Variants in UTP20 observed in about 807,000 individuals in gnomAD.
The protein encoded by UTP20 is UTP20 small subunit processome component.
Under a neutral mutation model 329.5 loss-of-function variants are expected in UTP20, and 164 were observed. The ratio of observed to expected loss-of-function variants is 0.50; its 90% CI spans 0.44 to 0.57. UTP20 has a LOEUF of 0.57. UTP20 is among the 20% of genes least tolerant of loss of function. The pLI, the probability that UTP20 is intolerant of heterozygous loss-of-function variation, is 0.00. For missense variants in UTP20, 3,055 were observed against 3,284.2 expected (o/e 0.93, Z 1.71); for synonymous variants, 1,151 against 1,159.3 (o/e 0.99, Z 0.14).
In UTP20 at chr12:101,358,187, G is replaced by A. The variant is rs187978771; in HGVS notation, c.5691+1105G>A. 3.0e-3 allele frequency among the ~76,000 whole-genome samples: 453 copies of A among 152,192 alleles called. 6 individuals are homozygous for A. The highest frequency in any genetic ancestry group is 0.016 in the South Asian group (78 of 4,814). On this transcript the variant is annotated intron_variant, in intron 43 of 61. Coordinates refer to ENST00000261637, the MANE Select transcript of UTP20 (RefSeq NM_014503.3). ...ACATTCATTTTGACTATCTTTCTTT[G>A]TATAGATTTTTAGTAGTTGCTCTAT...
intron 38 of UTP20, among the ~76,000 whole-genome samples, chr12:101,351,527 T>C (rs1022266368): frequency 1.4e-5 from 1 of 70,258 alleles, no homozygotes; most frequent in Non-Finnish European, 2.7e-5. Context: ...GGCAGTGTAC[T>C]TTTTTTTTTT....
At chr12:101,295,232 A>C (rs980589295) in intron 11 of UTP20, among the ~76,000 whole-genome samples, 1 of 152,202 alleles carries the variant, frequency 6.6e-6, no homozygotes, top group South Asian at 2.1e-4. Context: ...AATACATCTG[A>C]AAATGTCTTT....
intron 2 of UTP20, among the ~76,000 whole-genome samples, chr12:101,282,468 T>A (rs1216849037): frequency 1.3e-5 from 2 of 152,144 alleles, no homozygotes; most frequent in Non-Finnish European, 2.9e-5. Context: ...AGGGTGTTTT[T>A]TTTTTGTATT....
intron 29 of UTP20, among the ~76,000 whole-genome samples, chr12:101,337,747 A>G (rs915076793): frequency 1.3e-5 from 2 of 152,238 alleles, no homozygotes; most frequent in Non-Finnish European, 2.9e-5. Context: ...TCTCAGCTCT[A>G]TTATTAGCTC....
At chr12:101,356,252 A>G (rs990969067) in intron 41 of UTP20, among the ~76,000 whole-genome samples, 7 of 151,966 alleles carry the variant, frequency 4.6e-5, no homozygotes, top group African/African-American at 1.4e-4. Context: ...TCAGCCTCCC[A>G]AGTAGCTGGG....
chr12:101,286,257 G>A lies in UTP20; in HGVS notation c.327-64G>A, dbSNP rs1002858293. ...CTATGATCATAGGCCACCTACTATCGTTAAGTAGATTTGTAGCCTTTTAAA... is the reference window on the plus strand; with the variant it reads ...CTATGATCATAGGCCACCTACTATCATTAAGTAGATTTGTAGCCTTTTAAA... On this transcript the variant is annotated intron_variant, in intron 4 of 61. Transcript: ENST00000261637. 10 of 1,410,378 alleles carry A rather than the reference G, an allele frequency of 7.1e-6. No homozygotes were observed. The Middle Eastern group carries it at 7.4e-4, about 105-fold the overall frequency. 87.4% of individuals were successfully genotyped at this position (1,410,378 alleles called of 1,614,324 possible). A position where few individuals can be genotyped will look rare whatever the true frequency, so the allele number is the denominator to read the frequency against.
chr12:101,342,892 G>A, intron 34 of UTP20, 49 bp from the exon 35 acceptor site: 1 of 1,609,762 alleles, frequency 6.2e-7, no homozygotes, highest in Non-Finnish European at 8.5e-7. Flanking sequence ...TTTGTTTACT[G>A]AAGATTTATA....
intron 38 of UTP20, among the ~76,000 whole-genome samples, chr12:101,348,007 T>G (rs529943791): frequency 6.6e-6 from 1 of 152,248 alleles, no homozygotes; most frequent in East Asian, 1.9e-4. Flanking sequence ...TTTTGTATTT[T>G]TAGTAAAGAT....
In UTP20 at chr12:101,338,896, G is replaced by C; in HGVS notation, c.3952G>C (p.Glu1318Gln). ...TCTCAGCAAAACCACAATAAGCGCA[G>C]AAAAGGTGAAAAAGAAAAAGAATAG... Reference protein sequence around the residue: ...QYLSKTTISAEKVKKKKNRAQ... With the variant: ...QYLSKTTISAQKVKKKKNRAQ... Residue 1318 changes from glutamate to glutamine, a missense_variant, in exon 31 of 62, where the codon GAA (glutamate) becomes CAA (glutamine). Around this residue, in one of 3 missense-constraint regions of UTP20, gnomAD observed 2,445 missense variants for 2,575.5 expected, o/e 0.95. Coordinates refer to ENST00000261637, the MANE Select transcript of UTP20 (RefSeq NM_014503.3). The C allele has an allele frequency of 6.2e-7, 1 of 1,611,410 alleles. No homozygotes were observed. The highest frequency in any genetic ancestry group is 8.5e-7 in the Non-Finnish European group (1 of 1,179,346).
intron 15 of UTP20, among the ~76,000 whole-genome samples, chr12:101,303,126 A>T (rs1294660889): frequency 6.6e-6 from 1 of 151,976 alleles, no homozygotes; most frequent in Non-Finnish European, 1.5e-5. Context: ...CCTGAAGTCT[A>T]CTCCATTTTA....
intron 12 of UTP20, among the ~76,000 whole-genome samples, chr12:101,297,877 T>C (rs1285758402): frequency 6.6e-6 from 1 of 152,154 alleles, no homozygotes; most frequent in Non-Finnish European, 1.5e-5. Context: ...GGGTGACGTG[T>C]TAAATAAATA....
chr12:101,284,207 G>T (rs1462875430), intron 2 of UTP20, among the ~76,000 whole-genome samples: 1 of 152,116 alleles, frequency 6.6e-6, no homozygotes, highest in Non-Finnish European at 1.5e-5. Flanking sequence ...AGTGAGCATA[G>T]TACCCCACAG....
chr12:101,380,677 A>G (rs1213442076), intron 57 of UTP20, among the ~76,000 whole-genome samples: 1 of 152,048 alleles, frequency 6.6e-6, no homozygotes, highest in Non-Finnish European at 1.5e-5. Flanking sequence ...AGCCTGGCCA[A>G]CATGGCGAAA....
intron 47 of UTP20, among the ~76,000 whole-genome samples, chr12:101,367,519 A>G (rs141130846): frequency 6.6e-6 from 1 of 152,148 alleles, no homozygotes; most frequent in African/African-American, 2.4e-5. Context: ...CTACCTGTAC[A>G]CATCATCATT....
chr12:101,349,242 G>GT (rs1869437025), intron 38 of UTP20, among the ~76,000 whole-genome samples: 8 of 151,492 alleles, frequency 5.3e-5, no homozygotes. Flanking sequence ...TTTTTTCATA[G>GT]TTTTTTCTTA....
At chr12:101,345,866 C>T (rs1869305881) in intron 37 of UTP20, among the ~76,000 whole-genome samples, 172 bp downstream of exon 37, 1 of 152,150 alleles carries the variant, frequency 6.6e-6, no homozygotes, top group Non-Finnish European at 1.5e-5. Flanking sequence ...TTCCTGGATT[C>T]TAATTTCTTT....
chr12:101,338,011 A>T (rs747870165), intron 29 of UTP20, 40 bp from the exon 30 acceptor site: 11 of 1,579,356 alleles, frequency 7.0e-6, no homozygotes, highest in Admixed American at 1.7e-5. Flanking sequence ...AAGTGAACAT[A>T]TTGAGAATAA....
At chr12:101,295,083 G>A (rs190837627) in intron 11 of UTP20, among the ~76,000 whole-genome samples, 3 of 152,206 alleles carry the variant, frequency 2.0e-5, no homozygotes, top group Admixed American at 6.5e-5. Context: ...GTTGTACTGG[G>A]ACTTCCTTTT....
At position 101,383,759 on chromosome 12, in the gene UTP20, C is replaced by T. The variant is rs183831444; in HGVS notation, c.8056+90C>T. On this transcript the variant is annotated intron_variant, in intron 60 of 61. Coordinates refer to ENST00000261637, the MANE Select transcript of UTP20 (RefSeq NM_014503.3). The stretch of plus-strand genomic sequence containing the variant: ...GTTTCCTTCTTCCTTTCTGTCCTCC[C>T]TCCCTGCCTGAGATTTATTTTTATT... The T allele has an allele frequency of 2.7e-4, 293 of 1,077,840 alleles. No individual in the cohort carries two copies. In the African/African-American group the frequency reaches 4.5e-3, roughly 16 times the overall value. 66.8% of individuals were successfully genotyped at this position (1,077,840 alleles called of 1,614,324 possible).
Sources: gnomAD v4.1 joint callset for allele counts (sites outside exome capture counted in the v4.1 genomes callset) on GRCh38, gnomAD v4.1.1 for gene constraint, gnomAD v4.1.1 regional missense constraint, MANE v1.5 for transcripts, NCBI Gene and HGNC (gene_info 2026-07-23, HGNC 2026-07-21) for gene names.